PTPN4: variants seen among roughly 807,000 people sequenced by gnomAD.
PTPN4 encodes the protein protein tyrosine phosphatase non-receptor type 4, also known as tyrosine-protein phosphatase non-receptor type 4.
A neutral mutation model predicts 135.5 loss-of-function variants in PTPN4; 49 were observed. The observed-to-expected ratio is 0.36, with a 90% CI of 0.29 to 0.46. The LOEUF (loss-of-function observed/expected upper bound fraction) is 0.46, where lower values mean the gene tolerates loss of function less well. PTPN4 is among the 20% of genes least tolerant of loss of function. PTPN4 has a pLI of 1.00. For synonymous variants in PTPN4, 333 were observed against 369.9 expected (o/e 0.90, Z 1.14); for missense variants, 860 against 1,101.0 (o/e 0.78, Z 3.10).
intron 12 of PTPN4, among the ~76,000 whole-genome samples, chr2:119,924,136 C>CAAAAAA (rs35572826): frequency 6.5e-5 from 5 of 77,268 alleles, no homozygotes; most frequent in Admixed American, 5.6e-4. Flanking sequence ...GACTCCGTCT[C>CAAAAAA]AAAAAAAAAA....
intron 3 of PTPN4, among the ~76,000 whole-genome samples, chr2:119,864,480 T>C (rs576513997): frequency 1.3e-5 from 2 of 152,220 alleles, no homozygotes; most frequent in East Asian, 1.9e-4. Context: ...AGATAATTCT[T>C]AGCTCTTGCT....
intron 5 of PTPN4, among the ~76,000 whole-genome samples, chr2:119,879,136 G>A (rs1378263381): frequency 1.3e-5 from 2 of 151,178 alleles, no homozygotes; most frequent in Non-Finnish European, 2.9e-5. Flanking sequence ...CGTGTTATAT[G>A]TATACACCTT....
intron 26 of PTPN4, among the ~76,000 whole-genome samples, chr2:119,976,027 G>A (rs1476784673): frequency 2.3e-5 from 3 of 130,122 alleles, no homozygotes; most frequent in Non-Finnish European, 4.7e-5. Context: ...ACGGAGTCTC[G>A]TTCTGTTGCC....
At chr2:119,901,981 TAAAG>T (rs947786682) in intron 10 of PTPN4, among the ~76,000 whole-genome samples, 9 of 152,060 alleles carry the variant, frequency 5.9e-5, no homozygotes, top group African/African-American at 1.7e-4. Context: ...GTGATGGGAA[TAAAG>T]AGAGAGAAGA....
chr2:119,832,314 T>G (rs1677230796), intron 2 of PTPN4, among the ~76,000 whole-genome samples: 1 of 152,188 alleles, frequency 6.6e-6, no homozygotes, highest in South Asian at 2.1e-4. Context: ...GCAATTTTAT[T>G]GTATTTGAGA....
chr2:119,862,422 C>A, intron 2 of PTPN4, 114 bp from the exon 3 acceptor site: 1 of 861,148 alleles, frequency 1.2e-6, no homozygotes, highest in Non-Finnish European at 1.8e-6. Context: ...AAAACGTTTG[C>A]TACCTCTGGC....
chr2:119,946,588 A>ATT lies in PTPN4; in HGVS notation c.1656+15_1656+16insTT, dbSNP rs3214717. 7 of 1,566,612 alleles carry ATT rather than the reference A, an allele frequency of 4.5e-6. No homozygotes were observed. Among genetic ancestry groups the ATT allele is most frequent in the South Asian group, 2.3e-5 (2 of 88,042 alleles). Reference sequence around the variant, plus strand: ...CCAGGAACACCTGTGAGTTATCTAAATGTTTCAAATAAATCCTGTTTTCAA... The same window carrying ATT: ...CCAGGAACACCTGTGAGTTATCTAAATTTGTTTCAAATAAATCCTGTTTTCAA... On this transcript the variant is annotated intron_variant, in intron 18 of 26. Coordinates refer to ENST00000263708, the MANE Select transcript of PTPN4 (RefSeq NM_002830.4).
intron 9 of PTPN4, among the ~76,000 whole-genome samples, chr2:119,886,417 G>A (rs1195870854): frequency 6.6e-6 from 1 of 152,130 alleles, no homozygotes; most frequent in Non-Finnish European, 1.5e-5. Flanking sequence ...CTTTTCCCTT[G>A]TGTCAAACAT....
At chr2:119,794,449 C>T (rs1320653602) in intron 1 of PTPN4, among the ~76,000 whole-genome samples, 1 of 152,202 alleles carries the variant, frequency 6.6e-6, no homozygotes, top group East Asian at 1.9e-4. Context: ...CCACTGTGCA[C>T]AGCCAGGCAT....
intron 18 of PTPN4, among the ~76,000 whole-genome samples, chr2:119,951,260 A>T (rs976897191): frequency 2.6e-5 from 4 of 152,198 alleles, no homozygotes; most frequent in Admixed American, 1.3e-4. Flanking sequence ...GAGTCTCTCC[A>T]ACAACAGTGT....
intron 10 of PTPN4, among the ~76,000 whole-genome samples, chr2:119,912,765 T>A (rs1163449100): frequency 6.6e-6 from 1 of 152,178 alleles, no homozygotes; most frequent in Non-Finnish European, 1.5e-5. Flanking sequence ...GTATACAGTT[T>A]AGTGGTTTGT....
At chr2:119,924,120 G>C (rs906470537) in intron 12 of PTPN4, among the ~76,000 whole-genome samples, 4 of 129,478 alleles carry the variant, frequency 3.1e-5, no homozygotes, top group African/African-American at 1.2e-4. Flanking sequence ...CTGGGCGACA[G>C]AGTGAGACTC....
chr2:119,951,835 T>A lies in PTPN4; in HGVS notation c.1657-138T>A, dbSNP rs867509253. On this transcript the variant is annotated intron_variant, in intron 18 of 26. Transcript: ENST00000263708. ...GGCAAAGCTAGATTTCTACATTTTTTAAATAGATAATAAATGAAAGATGCT... is the reference window on the plus strand; with the variant it reads ...GGCAAAGCTAGATTTCTACATTTTTAAAATAGATAATAAATGAAAGATGCT... The A allele has an allele frequency of 6.4e-5, 43 of 676,662 alleles. 1 individual carries two copies. Among genetic ancestry groups the A allele is most frequent in the Middle Eastern group, 9.1e-4 (2 of 2,198 alleles). 41.9% of individuals were successfully genotyped at this position (676,662 alleles called of 1,614,324 possible).
intron 1 of PTPN4, among the ~76,000 whole-genome samples, chr2:119,808,643 C>CAA (rs1460133266): frequency 6.6e-6 from 1 of 152,138 alleles, no homozygotes; most frequent in Non-Finnish European, 1.5e-5. Context: ...AGGCTGGTCT[C>CAA]AAACTCTTGT....
intron 15 of PTPN4, among the ~76,000 whole-genome samples, chr2:119,944,838 T>C (rs1679109991): frequency 6.6e-6 from 1 of 152,176 alleles, no homozygotes. Context: ...AATAGATTAA[T>C]AGGTATCTTC....
chr2:119,965,693 C>A (rs999502243), intron 25 of PTPN4, 48 bp downstream of exon 25: 1 of 1,550,960 alleles, frequency 6.4e-7, no homozygotes, highest in African/African-American at 1.4e-5. Flanking sequence ...ACAGATACGT[C>A]ATTTTTAAAA....
chr2:119,841,855 CTGT>C (rs1403564158), intron 2 of PTPN4, among the ~76,000 whole-genome samples: 3 of 152,118 alleles, frequency 2.0e-5, no homozygotes, highest in African/African-American at 7.2e-5. Flanking sequence ...CATAAGCTTG[CTGT>C]TGTTTCTTTC....
chr2:119,803,553 A>G (rs1691411755), intron 1 of PTPN4, among the ~76,000 whole-genome samples: 1 of 152,168 alleles, frequency 6.6e-6, no homozygotes, highest in Non-Finnish European at 1.5e-5. Context: ...TCAATTATTT[A>G]AATATTTAGA....
chr2:119,902,059 C>A (rs1174427114), intron 10 of PTPN4, among the ~76,000 whole-genome samples: 6 of 151,984 alleles, frequency 3.9e-5, no homozygotes, highest in Non-Finnish European at 7.4e-5. Flanking sequence ...TGACAGCCAC[C>A]GAATCACAGA....
Sources: gnomAD v4.1 joint callset for allele counts (sites outside exome capture counted in the v4.1 genomes callset) on GRCh38, gnomAD v4.1.1 for gene constraint, MANE v1.5 for transcripts, NCBI Gene and HGNC (gene_info 2026-07-23, HGNC 2026-07-21) for gene names.